The following COL4A4 variants were observed in gnomAD, a reference collection of about 807,000 sequenced individuals.
COL4A4 encodes the protein collagen alpha-4(IV) chain.
In COL4A4, 105 loss-of-function variants were observed where a neutral mutation model predicts 192.9. The observed-to-expected ratio is 0.54, with a 90% CI of 0.46 to 0.64. The LOEUF (loss-of-function observed/expected upper bound fraction) is 0.64. COL4A4 is among the 30% of genes least tolerant of loss of function. The pLI, the probability that COL4A4 is intolerant of heterozygous loss-of-function variation, is 0.00. For missense variants in COL4A4, 1,967 were observed against 2,169.3 expected, an observed-to-expected ratio of 0.91 and a Z score of 1.85; for synonymous variants, 762 against 769.9, an observed-to-expected ratio of 0.99 and a Z score of 0.17.
Position 227,161,558 on chromosome 2 carries a change from A to G in COL4A4, c.-102+2449T>C, listed in dbSNP as rs561671604. On this transcript the variant is annotated intron_variant, in intron 1 of 47. Transcript: ENST00000396625. Reference sequence around the variant, plus strand: ...AATTAACACCACCTGTTTGTTTGACAGGTGAGCCTGTCAAACATTGTTCTA... The same window carrying G: ...AATTAACACCACCTGTTTGTTTGACGGGTGAGCCTGTCAAACATTGTTCTA... Among the ~76,000 whole-genome samples the G allele has an allele frequency of 1.7e-4, 26 of 152,326 alleles. No individual in the cohort carries two copies. The East Asian group carries it at 4.8e-3, about 28-fold the overall frequency.
chr2:227,050,291 T>C (rs1381285956), intron 33 of COL4A4, among the ~76,000 whole-genome samples, 160 bp from the exon 34 acceptor site: 1 of 152,242 alleles, frequency 6.6e-6, no homozygotes, highest in Non-Finnish European at 1.5e-5. Context: ...TACATGTATC[T>C]AGTTTTTCAA....
At chr2:227,080,303 G>T in intron 24 of COL4A4, 140 bp downstream of exon 24, 1 of 787,804 alleles carries the variant, frequency 1.3e-6, no homozygotes, top group Non-Finnish European at 2.2e-6. Context: ...TTCCATGTCA[G>T]GGTGCCAAAA....
At chr2:227,047,238 G>A (rs1003198324) in intron 35 of COL4A4, among the ~76,000 whole-genome samples, 5 of 151,824 alleles carry the variant, frequency 3.3e-5, no homozygotes, top group Admixed American at 6.6e-5. Flanking sequence ...CAACATCATC[G>A]GTCACATGAG....
intron 1 of COL4A4, among the ~76,000 whole-genome samples, chr2:227,149,142 C>T (rs878891050): frequency 6.6e-6 from 1 of 152,140 alleles, no homozygotes; most frequent in African/African-American, 2.4e-5. Context: ...AGCCACTGCA[C>T]CTGGCCATTA....
At position 227,144,410 on chromosome 2, in the gene COL4A4, A is replaced by G. The variant is rs116896800; in HGVS notation, c.114+106T>C. 670 of 934,940 alleles carry G rather than the reference A, an allele frequency of 7.2e-4. 6 individuals are homozygous for G. In the East Asian group the frequency reaches 0.014, roughly 20 times the overall value. The allele number at this position is 934,940 out of a possible 1,614,324, so 57.9% of individuals were successfully genotyped here. ...TAGTCCTATTCTCCATTTTACAGGT[A>G]AGAAAATTGAGTCCCAGAGGGTGAT... is the stretch of plus-strand genomic sequence containing the variant. On this transcript the variant is annotated intron_variant, in intron 3 of 47. Transcript: ENST00000396625.
In COL4A4 at chr2:227,043,094, C is replaced by A; in HGVS notation, c.3380G>T (p.Gly1127Val). The A allele has an allele frequency of 6.2e-7, 1 of 1,613,380 alleles. No individual in the cohort carries two copies. Among genetic ancestry groups the A allele is most frequent in the South Asian group, 1.1e-5 (1 of 91,024 alleles). The change falls in exon 36 of 48, where the codon GGA becomes GTA. Residue 1127 changes from glycine to valine, a missense_variant. Physicochemically the swap from Gly to Val is moderately radical, Grantham distance 109. Transcript: ENST00000396625. ...PGRPGPPGSS[G>V]PPGCPGDHGM... is the part of the protein sequence containing the mutation. ...CAAGGTACCTGGGCACCCTGGTGGT[C>A]CAGAGGAGCCAGGTGGCCCTGGCCT...
chr2:227,014,004 G>C (rs887021975), intron 44 of COL4A4, among the ~76,000 whole-genome samples: 1 of 152,178 alleles, frequency 6.6e-6, no homozygotes, highest in African/African-American at 2.4e-5. Context: ...AAGGAGGTTT[G>C]ACTTGATGTT....
At chr2:227,137,804 G>T (rs2062918091) in intron 4 of COL4A4, among the ~76,000 whole-genome samples, 1 of 152,002 alleles carries the variant, frequency 6.6e-6, no homozygotes, top group East Asian at 1.9e-4. Context: ...TATTTATCTT[G>T]GTCCTGAAGC....
At position 227,058,658 on chromosome 2, in the gene COL4A4, A is replaced by G. The variant is rs534139454; in HGVS notation, c.2383+747T>C. 3.3e-5 allele frequency among the ~76,000 whole-genome samples: 5 copies of G among 152,306 alleles called. No homozygotes were observed. The East Asian group carries it at 9.6e-4, about 29-fold the overall frequency. On this transcript the variant is annotated intron_variant, in intron 28 of 47. Coordinates refer to ENST00000396625, the MANE Select transcript of COL4A4 (RefSeq NM_000092.5). ...TGTAAACATCTGATCTGTGGTTCAC[A>G]TCTTGATCACCATCACCCAAGAGGC...
chr2:227,142,712 T>C (rs1481802942), intron 3 of COL4A4, among the ~76,000 whole-genome samples: 1 of 148,868 alleles, frequency 6.7e-6, no homozygotes, highest in Non-Finnish European at 1.5e-5. Flanking sequence ...GCTGAGATCG[T>C]ACCACTGCAC....
At chr2:227,042,845 G>T (rs138374026) in intron 36 of COL4A4, among the ~76,000 whole-genome samples, 59 of 152,276 alleles carry the variant, frequency 3.9e-4, no homozygotes, top group Admixed American at 1.2e-3. Flanking sequence ...TTTGTGTCTG[G>T]TGCCATGCTA....
chr2:227,059,908 C>T (rs1976463934), intron 27 of COL4A4, among the ~76,000 whole-genome samples: 1 of 151,926 alleles, frequency 6.6e-6, no homozygotes, highest in Admixed American at 6.6e-5. Context: ...AATAATAGCC[C>T]ACAACTTATG....
chr2:227,042,005 G>GAGT, intron 37 of COL4A4, 143 bp downstream of exon 37: 1 of 718,872 alleles, frequency 1.4e-6, no homozygotes, highest in Non-Finnish European at 2.5e-6. Flanking sequence ...GGCTAAGGAA[G>GAGT]AGTAGGAAGA....
intron 30 of COL4A4, among the ~76,000 whole-genome samples, 197 bp downstream of exon 30, chr2:227,055,748 C>G (rs1454034495): frequency 3.3e-5 from 5 of 152,090 alleles, no homozygotes; most frequent in African/African-American, 1.2e-4. Flanking sequence ...AACCCCTTTT[C>G]CCATTGACCG....
In COL4A4 at chr2:227,032,067, C is replaced by T. The variant is rs1349178329; in HGVS notation, c.3707-12G>A. 3.7e-6 allele frequency: 6 copies of T among 1,613,890 alleles called. No homozygotes were observed. Among genetic ancestry groups the T allele is most frequent in the Non-Finnish European group, 5.1e-6 (6 of 1,179,822 alleles). ...TGGTCCTGAACTCCCTAAGAAGAGA[C>T]ATGTTCACATGTTATCCTCATTGCA... On this transcript the variant is annotated splice_polypyrimidine_tract_variant and intron_variant, in intron 39 of 47. Transcript: ENST00000396625.
intron 25 of COL4A4, among the ~76,000 whole-genome samples, chr2:227,074,432 A>G (rs1416557719): frequency 6.6e-6 from 1 of 152,170 alleles, no homozygotes; most frequent in African/African-American, 2.4e-5. Context: ...AGAAAAGGGA[A>G]CACTTATACA....
chr2:226,967,856 A>G, the COL4A4 span, among the ~76,000 whole-genome samples: 2 of 152,022 alleles, frequency 1.3e-5, no homozygotes, highest in African/African-American at 2.4e-5. Flanking sequence ...GGGGCCCAGG[A>G]ATGTTAAATA....
At chr2:227,091,773 G>A (rs1328837406) in intron 20 of COL4A4, among the ~76,000 whole-genome samples, 1 of 152,054 alleles carries the variant, frequency 6.6e-6, no homozygotes, top group African/African-American at 2.4e-5. Context: ...GCACGTGCCT[G>A]TCATCCCAGC....
chr2:227,147,066 A>C (rs1279880406), intron 2 of COL4A4, among the ~76,000 whole-genome samples: 2 of 152,148 alleles, frequency 1.3e-5, no homozygotes, highest in Non-Finnish European at 2.9e-5. Context: ...GGGTGTTATT[A>C]ATCTGTACTT....
Sources: gnomAD v4.1 joint callset for allele counts (sites outside exome capture counted in the v4.1 genomes callset) on GRCh38, gnomAD v4.1.1 for gene constraint, MANE v1.5 for transcripts, NCBI Gene and HGNC (gene_info 2026-07-23, HGNC 2026-07-21) for gene names.